Variants in FARS2 observed in about 807,000 individuals in gnomAD.
FARS2 encodes the protein phenylalanyl-tRNA synthetase 2, mitochondrial, also known as phenylalanine--tRNA ligase, mitochondrial.
In FARS2, 40 loss-of-function variants were observed where a neutral mutation model predicts 46.4. That is an observed-to-expected ratio of 0.86 (90% CI 0.67 to 1.12). FARS2 has a LOEUF of 1.12. Among genes scored for constraint, FARS2 ranks in the 50% most tolerant of loss-of-function variants. The pLI, the probability that FARS2 is intolerant of heterozygous loss-of-function variation, is 0.00. For synonymous variants in FARS2, 234 were observed against 214.9 expected (o/e 1.09, Z -0.78); for missense variants, 513 against 567.9 (o/e 0.90, Z 0.98).
At chr6:5,382,533 C>G (rs1044321918) in intron 2 of FARS2, among the ~76,000 whole-genome samples, 13 of 152,260 alleles carry the variant, frequency 8.5e-5, no homozygotes, top group African/African-American at 3.1e-4. Flanking sequence ...AATTTACACA[C>G]AGTAAAGTCA....
chr6:5,738,249 T>A (rs772052335), intron 6 of FARS2, among the ~76,000 whole-genome samples: 1 of 152,212 alleles, frequency 6.6e-6, no homozygotes, highest in Non-Finnish European at 1.5e-5. Context: ...CACACCCAGC[T>A]ACTTCTAGAA....
intron 5 of FARS2, among the ~76,000 whole-genome samples, chr6:5,578,772 G>A (rs1434994410): frequency 1.4e-5 from 2 of 140,136 alleles, no homozygotes; most frequent in African/African-American, 5.5e-5. Context: ...TCGTGCCACT[G>A]CACTCCAGCC....
intron 4 of FARS2, among the ~76,000 whole-genome samples, chr6:5,512,078 C>T (rs140137925): frequency 6.6e-6 from 1 of 152,254 alleles, no homozygotes; most frequent in African/African-American, 2.4e-5. Flanking sequence ...GCTTACCCGC[C>T]CAGTAAATGC....
At chr6:5,675,910 G>A (rs778454730) in intron 6 of FARS2, among the ~76,000 whole-genome samples, 4 of 152,170 alleles carry the variant, frequency 2.6e-5, no homozygotes, top group South Asian at 2.1e-4. Flanking sequence ...ATTGAACAAC[G>A]TCTCGGTCAT....
At chr6:5,697,652 A>G (rs1481220987) in intron 6 of FARS2, among the ~76,000 whole-genome samples, 1 of 152,254 alleles carries the variant, frequency 6.6e-6, no homozygotes, top group African/African-American at 2.4e-5. Context: ...AGGCAAAATC[A>G]TGAGATATAA....
At chr6:5,283,529 A>G (rs1339734040) in intron 1 of FARS2, among the ~76,000 whole-genome samples, 1 of 146,276 alleles carries the variant, frequency 6.8e-6, no homozygotes, top group Non-Finnish European at 1.5e-5. Context: ...AGCCTGGGCA[A>G]CAGAGCGAGA....
chr6:5,478,709 G>A (rs532185065), intron 4 of FARS2, among the ~76,000 whole-genome samples: 1 of 152,296 alleles, frequency 6.6e-6, no homozygotes, highest in East Asian at 1.9e-4. Context: ...GGTTCGTCCA[G>A]GGTGCTTCCC....
chr6:5,592,506 T>G (rs113561156), intron 5 of FARS2, among the ~76,000 whole-genome samples: 14,176 of 152,278 alleles, frequency 0.093, 2,123 homozygotes, highest in African/African-American at 0.31. Flanking sequence ...TGTAATATTT[T>G]AAATCCCTTG....
Position 5,543,097 on chromosome 6 carries a change from A to C in FARS2, c.905-2083A>C, listed in dbSNP as rs146054826. 1.4e-4 allele frequency among the ~76,000 whole-genome samples: 22 copies of C among 152,328 alleles called. No individual in the cohort carries two copies. In the East Asian group the frequency reaches 3.1e-3, roughly 21 times the overall value. On this transcript the variant is annotated intron_variant, in intron 4 of 6. Transcript: ENST00000274680. The stretch of plus-strand genomic sequence containing the variant: ...CATGTGCATAATTTTATATGTGACC[A>C]AATTATCAGCCTGTGATGTGCTGGA...
At chr6:5,609,521 A>G (rs1433099567) in intron 5 of FARS2, 8 of 1,240,570 alleles carry the variant, frequency 6.4e-6, no homozygotes, top group Non-Finnish European at 9.4e-6. Context: ...CACCATGACC[A>G]CTGAAGTTTC....
At chr6:5,712,060 T>G (rs1467498564) in intron 6 of FARS2, among the ~76,000 whole-genome samples, 1 of 152,146 alleles carries the variant, frequency 6.6e-6, no homozygotes, top group African/African-American at 2.4e-5. Flanking sequence ...ATTACATAAT[T>G]AAAACAAAGG....
intron 6 of FARS2, among the ~76,000 whole-genome samples, chr6:5,668,852 C>T (rs569218350): frequency 2.0e-5 from 3 of 151,926 alleles, no homozygotes; most frequent in African/African-American, 7.3e-5. Flanking sequence ...CACCATCACG[C>T]CCTGCTAATT....
intron 2 of FARS2, among the ~76,000 whole-genome samples, chr6:5,391,054 T>G (rs1760477251): frequency 6.6e-6 from 1 of 152,212 alleles, no homozygotes; most frequent in South Asian, 2.1e-4. Context: ...TTATTCAGGG[T>G]GCCTAAAGCA....
intron 6 of FARS2, among the ~76,000 whole-genome samples, chr6:5,770,462 A>G (rs1288998790): frequency 6.6e-6 from 1 of 152,098 alleles, no homozygotes; most frequent in Non-Finnish European, 1.5e-5. Flanking sequence ...GTGTGACCAG[A>G]TCCCCTTATT....
chr6:5,708,380 A>C (rs547974301), intron 6 of FARS2, among the ~76,000 whole-genome samples: 10 of 152,116 alleles, frequency 6.6e-5, no homozygotes, highest in Admixed American at 6.5e-4. Context: ...TGGCCAGCTC[A>C]CACATTACTC....
chr6:5,355,716 C>G (rs1365113419), intron 1 of FARS2, among the ~76,000 whole-genome samples: 1 of 152,124 alleles, frequency 6.6e-6, no homozygotes, highest in African/African-American at 2.4e-5. Flanking sequence ...TACACACACA[C>G]ACACAGACAC....
At chr6:5,481,420 G>A (rs1766450204) in intron 4 of FARS2, among the ~76,000 whole-genome samples, 1 of 152,238 alleles carries the variant, frequency 6.6e-6, no homozygotes, top group South Asian at 2.1e-4. Context: ...CTGTCCATTG[G>A]ACACAGGGCA....
intron 6 of FARS2, among the ~76,000 whole-genome samples, chr6:5,723,268 A>G (rs192869473): frequency 6.6e-6 from 1 of 152,274 alleles, no homozygotes; most frequent in Non-Finnish European, 1.5e-5. Context: ...TAGAAAAGAA[A>G]CAAAGCTCAT....
intron 5 of FARS2, among the ~76,000 whole-genome samples, chr6:5,595,134 G>A (rs1377424757): frequency 6.6e-6 from 1 of 152,134 alleles, no homozygotes; most frequent in African/African-American, 2.4e-5. Flanking sequence ...CAAAGCCGAA[G>A]GTCCTTTCTG....
Sources: gnomAD v4.1 joint callset for allele counts (sites outside exome capture counted in the v4.1 genomes callset) on GRCh38, gnomAD v4.1.1 for gene constraint, MANE v1.5 for transcripts, NCBI Gene and HGNC (gene_info 2026-07-23, HGNC 2026-07-21) for gene names.